DENND5B: variants seen among roughly 807,000 people sequenced by gnomAD.
The protein encoded by DENND5B is DENN domain-containing protein 5B.
A neutral mutation model predicts 140.6 loss-of-function variants in DENND5B; 34 were observed. The observed-to-expected ratio is 0.24, with a 90% CI of 0.18 to 0.32. DENND5B has a LOEUF of 0.32. Ranked by LOEUF, DENND5B falls within the 10% of genes least tolerant of loss-of-function variation. DENND5B has a pLI of 1.00. For synonymous variants in DENND5B, 551 were observed against 562.1 expected, an observed-to-expected ratio of 0.98 and a Z score of 0.28; for missense variants, 1,142 against 1,560.2, an observed-to-expected ratio of 0.73 and a Z score of 4.52.
intron 2 of DENND5B, among the ~76,000 whole-genome samples, chr12:31,481,639 C>A (rs1334922591): frequency 6.6e-6 from 1 of 152,138 alleles, no homozygotes; most frequent in African/African-American, 2.4e-5. Context: ...GTTTGAGGAA[C>A]TGAACAGGTC....
intron 1 of DENND5B, among the ~76,000 whole-genome samples, chr12:31,515,309 TACATAC>T (rs1419417981): frequency 1.3e-5 from 2 of 152,158 alleles, no homozygotes; most frequent in African/African-American, 4.8e-5. Flanking sequence ...CATCTCTAAA[TACATAC>T]ACATACATTT....
intron 2 of DENND5B, among the ~76,000 whole-genome samples, chr12:31,493,558 G>A (rs1178611418): frequency 6.6e-6 from 1 of 152,066 alleles, no homozygotes; most frequent in Non-Finnish European, 1.5e-5. Flanking sequence ...GCCAGGTGTG[G>A]TGGGATGTGC....
chr12:31,385,569 C>T lies in DENND5B; in HGVS notation c.*2034G>A, dbSNP rs1242108438. On this transcript the variant is annotated 3_prime_UTR_variant, in exon 21 of 21. Transcript: ENST00000389082. ...TAAAACAGGTTCTGGATATCTCCCA[C>T]GATAAACTTCCCATGTCCCTGGAAG... 6.6e-6 allele frequency: 1 copy of T among 152,260 alleles called. No individual in the cohort carries two copies. Among genetic ancestry groups the T allele is most frequent in the Admixed American group, 6.5e-5 (1 of 15,278 alleles). 9.4% of individuals were successfully genotyped at this position (152,260 alleles called of 1,614,324 possible).
At chr12:31,506,535 C>A (rs1339923810) in intron 1 of DENND5B, 2 of 152,184 alleles carry the variant, frequency 1.3e-5, no homozygotes, top group Non-Finnish European at 2.9e-5. Context: ...TTAGCACAGA[C>A]CCCACAAGTA....
At chr12:31,436,867 A>G (rs2137896585) in intron 7 of DENND5B, among the ~76,000 whole-genome samples, 1 of 152,152 alleles carries the variant, frequency 6.6e-6, no homozygotes, top group South Asian at 2.1e-4. Flanking sequence ...CAGTGTTTCC[A>G]ATGAAATAAG....
chr12:31,399,135 AAAAAAAAAAAGAG>A lies in DENND5B; in HGVS notation c.3068+506_3068+518del, dbSNP rs1389823224. On this transcript the variant is annotated intron_variant, in intron 16 of 20. Transcript: ENST00000389082. ...GAAACTCTGTCTCAGCCCAAAAAAA[AAAAAAAAAAAGAG>A]AGAGAAAGAAAAAAAAAAGTTTTTT... Among the ~76,000 whole-genome samples the A allele has an allele frequency of 6.3e-5, 9 of 143,550 alleles. 1 individual carries two copies. Among genetic ancestry groups the A allele is most frequent in the African/African-American group, 1.8e-4 (7 of 38,236 alleles). The allele number at this position is 143,550 out of a possible 152,430, so 94.2% of individuals were successfully genotyped here.
intron 2 of DENND5B, among the ~76,000 whole-genome samples, chr12:31,481,546 C>T (rs888072118): frequency 4.6e-5 from 7 of 152,150 alleles, no homozygotes; most frequent in Admixed American, 4.6e-4. Context: ...AAATGAAGCC[C>T]AACTGAAACC....
chr12:31,581,585 C>G (rs981376429), intron 1 of DENND5B, among the ~76,000 whole-genome samples: 4 of 150,200 alleles, frequency 2.7e-5, no homozygotes. Flanking sequence ...CCCAGCTATT[C>G]GGGAAGCTGA....
chr12:31,541,534 AAGAC>A, intron 1 of DENND5B, among the ~76,000 whole-genome samples: 1 of 152,232 alleles, frequency 6.6e-6, no homozygotes, highest in Non-Finnish European at 1.5e-5. Flanking sequence ...CTTTTATACA[AAGAC>A]AGGCAATAAT....
intron 12 of DENND5B, among the ~76,000 whole-genome samples, chr12:31,414,400 C>T (rs1942615933): frequency 6.6e-6 from 1 of 152,118 alleles, no homozygotes. Flanking sequence ...TTGCTTCAAA[C>T]TAAATCTACC....
intron 1 of DENND5B, among the ~76,000 whole-genome samples, chr12:31,557,313 T>G (rs748567872): frequency 6.6e-6 from 1 of 152,238 alleles, no homozygotes; most frequent in Non-Finnish European, 1.5e-5. Flanking sequence ...TACATTTTCC[T>G]GTATTGCTTA....
chr12:31,524,927 A>G lies in DENND5B; in HGVS notation c.128-29008T>C, dbSNP rs147518488. On this transcript the variant is annotated intron_variant, in intron 1 of 20. Transcript: ENST00000389082. ...TTCCATTCCCCTTTCTTCATCTACT[A>G]AAATGATACACCTCATGAGAACATA... Among the ~76,000 whole-genome samples the G allele has an allele frequency of 1.4e-3, 214 of 152,244 alleles. 3 individuals carry two copies. The highest frequency in any genetic ancestry group is 5.0e-3 in the African/African-American group (207 of 41,540).
At chr12:31,457,879 A>G (rs189833203) in intron 4 of DENND5B, among the ~76,000 whole-genome samples, 5 of 150,588 alleles carry the variant, frequency 3.3e-5, no homozygotes, top group African/African-American at 9.8e-5. Context: ...ACGCCCGGCT[A>G]TTTTTTTTGT....
Position 31,535,604 on chromosome 12 carries a change from C to T in DENND5B, c.128-39685G>A, listed in dbSNP as rs148881991. On this transcript the variant is annotated intron_variant, in intron 1 of 20. Coordinates refer to ENST00000389082, the MANE Select transcript of DENND5B (RefSeq NM_144973.4). ...ACCACAGGTTACTGGGCTTGGGATG[C>T]CCCCTAAGGCAGACACGGCTTAGAT... Among the ~76,000 whole-genome samples the T allele has an allele frequency of 5.8e-3, 889 of 152,226 alleles. 6 individuals are homozygous for T. Among genetic ancestry groups the T allele is most frequent in the African/African-American group, 0.02 (824 of 41,548 alleles).
At chr12:31,425,554 A>G (rs1400703331) in intron 9 of DENND5B, among the ~76,000 whole-genome samples, 4 of 152,206 alleles carry the variant, frequency 2.6e-5, no homozygotes, top group Non-Finnish European at 4.4e-5. Context: ...TTCTTTGTTC[A>G]TCAAGCATGC....
intron 1 of DENND5B, chr12:31,499,519 T>C: frequency 1.8e-6 from 2 of 1,126,622 alleles, no homozygotes; most frequent in African/African-American, 1.6e-5. Flanking sequence ...CAAGCAAAAC[T>C]GAATAAAGAA....
chr12:31,385,037 C>T lies in DENND5B; in HGVS notation c.*2566G>A, dbSNP rs1940790908. On this transcript the variant is annotated 3_prime_UTR_variant, in exon 21 of 21. Transcript: ENST00000389082. ...TCAGATGAACCACCCGCCTCAGACT[C>T]CCAAAGTGTCAGGATTACAGGCGTT... 6.6e-6 allele frequency: 1 copy of T among 152,086 alleles called. No individual in the cohort carries two copies. Among genetic ancestry groups the T allele is most frequent in the Non-Finnish European group, 1.5e-5 (1 of 68,030 alleles). 9.4% of individuals were successfully genotyped at this position (152,086 alleles called of 1,614,324 possible).
chr12:31,503,948 C>T lies in DENND5B; in HGVS notation c.128-8029G>A, dbSNP rs542203874. Among the ~76,000 whole-genome samples the T allele has an allele frequency of 3.3e-5, 5 of 152,276 alleles. No individual in the cohort carries two copies. In the South Asian group the frequency reaches 1.0e-3, roughly 32 times the overall value. On this transcript the variant is annotated intron_variant, in intron 1 of 20. Coordinates refer to ENST00000389082, the MANE Select transcript of DENND5B (RefSeq NM_144973.4). ...TCATTAATAAAATGAGACATGAAAG[C>T]TATTCCAGGTCAATTTAACCAGTTA...
chr12:31,490,769 T>A (rs947591026), intron 2 of DENND5B, among the ~76,000 whole-genome samples: 1 of 152,206 alleles, frequency 6.6e-6, no homozygotes, highest in Admixed American at 6.5e-5. Context: ...TAGCCCTTTT[T>A]CCTTTTACTC....
Sources: allele counts gnomAD v4.1 joint callset (sites outside exome capture counted in the v4.1 genomes callset), GRCh38; gene constraint gnomAD v4.1.1; transcripts MANE v1.5; gene names NCBI Gene and HGNC (gene_info 2026-07-23, HGNC 2026-07-21).